Variants in MAP2 observed in about 807,000 individuals in gnomAD.
MAP2 encodes microtubule-associated protein 2.
A neutral mutation model predicts 137.6 loss-of-function variants in MAP2; 14 were observed. That is an observed-to-expected ratio of 0.10 (90% CI 0.07 to 0.16). The LOEUF is 0.16. Among genes scored for constraint, MAP2 ranks in the 10% least tolerant of loss-of-function variants. The pLI is 1.00. For missense variants in MAP2, 2,088 were observed against 2,191.5 expected (o/e 0.95, Z 0.94); for synonymous variants, 786 against 782.3 (o/e 1.00, Z -0.08).
intron 3 of MAP2, among the ~76,000 whole-genome samples, chr2:209,607,788 T>A (rs1182765900): frequency 2.6e-5 from 4 of 152,202 alleles, no homozygotes. Flanking sequence ...TATTGCTGGA[T>A]CCTCACCAGT....
rs200382253 is a variant in MAP2, at chr2:209,695,895, A to G, written c.3725A>G (p.Gln1242Arg). The change falls in exon 8 of 16, where the codon CAG becomes CGG. Residue 1242 changes from glutamine to arginine, a missense_variant. Gln to Arg is a conservative substitution (Grantham distance 43). Around this residue, in one of 6 missense-constraint regions of MAP2, gnomAD observed 591 missense variants for 642.6 expected, o/e 0.92. Transcript: ENST00000682079. ...AGTGAGGAAGAAGAGATAGAAGCCCAGGGAGAATATGATAAACTGCTCTTC... is the reference window on the plus strand; with the variant it reads ...AGTGAGGAAGAAGAGATAGAAGCCCGGGGAGAATATGATAAACTGCTCTTC... The part of the protein sequence containing the change: ...IQSEEEEIEA[Q>R]GEYDKLLFRS... The G allele has an allele frequency of 6.2e-7, 1 of 1,614,160 alleles. No homozygotes were observed. Among genetic ancestry groups the G allele is most frequent in the Non-Finnish European group, 8.5e-7 (1 of 1,180,008 alleles).
At chr2:209,510,655 T>G (rs2061616114) in intron 2 of MAP2, among the ~76,000 whole-genome samples, 1 of 152,080 alleles carries the variant, frequency 6.6e-6, no homozygotes. Context: ...AAATGATGGA[T>G]TCTCAATTTT....
Position 209,693,012 on chromosome 2 carries a change from T to G in MAP2, c.842T>G (p.Val281Gly), listed in dbSNP as rs1344596420. ...GCAAAAAAGGATGAGTGGGGTTTAG[T>G]TGCCCCCATATCTCCTGGCCCTCTG... ...TEAKKDEWGL[V>G]APISPGPLTP... The change falls in exon 8 of 16, where the codon GTT becomes GGT. Residue 281 changes from valine (V) to glycine (G), a missense_variant. Val to Gly is a moderately radical substitution (Grantham distance 109, BLOSUM62 -3). Coordinates refer to ENST00000682079, the MANE Select transcript of MAP2 (RefSeq NM_001375505.1). 1 of 1,613,186 alleles carries G rather than the reference T, an allele frequency of 6.2e-7. No individual in the cohort carries two copies. Among genetic ancestry groups the G allele is most frequent in the East Asian group, 2.2e-5 (1 of 44,868 alleles).
chr2:209,453,903 G>A (rs370731056), intron 1 of MAP2, among the ~76,000 whole-genome samples: 3 of 152,086 alleles, frequency 2.0e-5, no homozygotes, highest in African/African-American at 7.2e-5. Context: ...TGTAATCCCA[G>A]AACTTTGGGA....
chr2:209,660,392 T>C (rs1217141840), intron 5 of MAP2, among the ~76,000 whole-genome samples: 2 of 128,354 alleles, frequency 1.6e-5, no homozygotes, highest in African/African-American at 3.0e-5. Flanking sequence ...GCAATTTTTT[T>C]TTTTTTTTTT....
intron 3 of MAP2, among the ~76,000 whole-genome samples, chr2:209,597,354 T>C (rs1406180314): frequency 6.6e-6 from 1 of 152,206 alleles, no homozygotes; most frequent in African/African-American, 2.4e-5. Context: ...ACTTTTATAT[T>C]AAAATTGTTA....
chr2:209,487,772 A>AT (rs2058569986), intron 1 of MAP2, among the ~76,000 whole-genome samples: 1 of 152,234 alleles, frequency 6.6e-6, no homozygotes, highest in African/African-American at 2.4e-5. Flanking sequence ...ATTCAGATGC[A>AT]TTTTAACCTT....
At chr2:209,553,995 G>A (rs1030896171) in intron 2 of MAP2, among the ~76,000 whole-genome samples, 3 of 152,134 alleles carry the variant, frequency 2.0e-5, no homozygotes, top group Non-Finnish European at 4.4e-5. Context: ...CAACTGACTC[G>A]AGAGTGGGTG....
chr2:209,463,389 G>A (rs1216712655), intron 1 of MAP2, among the ~76,000 whole-genome samples: 5 of 152,044 alleles, frequency 3.3e-5, no homozygotes, highest in South Asian at 2.1e-4. Flanking sequence ...TGTCCCTGTC[G>A]TGCTTTCTGG....
chr2:209,505,579 C>T (rs2060932603), intron 1 of MAP2, among the ~76,000 whole-genome samples: 1 of 152,164 alleles, frequency 6.6e-6, no homozygotes, highest in South Asian at 2.1e-4. Context: ...AGGAATGTAG[C>T]ATGATCTAAT....
chr2:209,488,687 C>T (rs968530182), intron 1 of MAP2, among the ~76,000 whole-genome samples: 1 of 152,174 alleles, frequency 6.6e-6, no homozygotes, highest in African/African-American at 2.4e-5. Flanking sequence ...TTGGACTGGG[C>T]AGAGCCCACC....
At chr2:209,462,164 A>G (rs547945504) in intron 1 of MAP2, among the ~76,000 whole-genome samples, 5 of 152,306 alleles carry the variant, frequency 3.3e-5, no homozygotes, top group African/African-American at 1.2e-4. Flanking sequence ...GTTTTGTTCT[A>G]GTTTTCATTT....
Position 209,693,766 on chromosome 2 carries a change from A to G in MAP2, c.1596A>G (p.Ser532=). The G allele has an allele frequency of 4.3e-6, 7 of 1,613,894 alleles. No homozygotes were observed. Among genetic ancestry groups the G allele is most frequent in the Non-Finnish European group, 5.9e-6 (7 of 1,179,954 alleles). The stretch of plus-strand genomic sequence containing the variant: ...CATCTGCATTAATTGAAAAGAGCTC[A>G]ATTCAGGAACTTTTTGAAATGAGAG... ...TEPSALIEKS[S]IQELFEMRVD... The change falls in exon 8 of 16, where the codon TCA becomes TCG. Residue 532 remains serine, a synonymous_variant. Coordinates refer to ENST00000682079, the MANE Select transcript of MAP2 (RefSeq NM_001375505.1).
rs546365261 is a variant in MAP2, at chr2:209,731,575, G to A, written c.*1178G>A. 5.7e-4 allele frequency: 87 copies of A among 152,350 alleles called. No individual in the cohort carries two copies. Among genetic ancestry groups the A allele is most frequent in the African/African-American group, 2.1e-3 (85 of 41,414 alleles). 9.4% of individuals were successfully genotyped at this position (152,350 alleles called of 1,614,324 possible). A position where few individuals can be genotyped will look rare whatever the true frequency, so the allele number is the denominator to read the frequency against. On this transcript the variant is annotated 3_prime_UTR_variant, in exon 16 of 16. Transcript: ENST00000682079. ...ATTTTTAATCACAGGATAGTTTGGG[G>A]TTTATTCCTATTATTATTCATGAAA...
intron 1 of MAP2, among the ~76,000 whole-genome samples, chr2:209,503,950 G>T (rs1416316595): frequency 1.3e-5 from 2 of 152,226 alleles, no homozygotes; most frequent in African/African-American, 4.8e-5. Flanking sequence ...GCAAAAATTA[G>T]TTGGGTGTGG....
chr2:209,669,045 G>A (rs1483031677), intron 5 of MAP2, among the ~76,000 whole-genome samples: 2 of 152,006 alleles, frequency 1.3e-5, no homozygotes, highest in Non-Finnish European at 2.9e-5. Context: ...TCAGGTGCTG[G>A]TGTAAAGAGA....
intron 7 of MAP2, among the ~76,000 whole-genome samples, chr2:209,681,780 T>C (rs1435392270): frequency 6.6e-6 from 1 of 152,192 alleles, no homozygotes; most frequent in East Asian, 1.9e-4. Flanking sequence ...GACTTGTCTT[T>C]TTATCATTTG....
At chr2:209,583,031 C>T (rs2076844003) in intron 3 of MAP2, among the ~76,000 whole-genome samples, 1 of 151,988 alleles carries the variant, frequency 6.6e-6, no homozygotes, top group Non-Finnish European at 1.5e-5. Flanking sequence ...GGTACCTAGT[C>T]ATTGTCTTGA....
intron 2 of MAP2, among the ~76,000 whole-genome samples, chr2:209,521,842 C>A (rs2150400862): frequency 6.6e-6 from 1 of 152,184 alleles, no homozygotes; most frequent in South Asian, 2.1e-4. Context: ...GGTACTAAAG[C>A]TCCTATGGTA....
Sources: allele counts gnomAD v4.1 joint callset (sites outside exome capture counted in the v4.1 genomes callset), GRCh38; gene constraint gnomAD v4.1.1; regional missense constraint gnomAD v4.1.1; transcripts MANE v1.5; gene names NCBI Gene and HGNC (gene_info 2026-07-23, HGNC 2026-07-21).